The following GNAS-AS1 variants were observed in gnomAD, a reference collection of about 807,000 sequenced individuals.
GNAS-AS1 encodes the protein GNAS antisense RNA 1 (non-protein coding).
chr20:58,839,665 C>T, intron 4 of GNAS-AS1: 1 of 429,958 alleles, frequency 2.3e-6, no homozygotes. Flanking sequence ...GGGGAGGTGG[C>T]CCCCACCTCC....
chr20:58,818,958 A>T (rs2085466935), exon 5 of GNAS-AS1: 1 of 398,332 alleles, frequency 2.5e-6, no homozygotes, highest in South Asian at 1.3e-4. Flanking sequence ...GCCTTTATTC[A>T]ACACTAGATA....
At chr20:58,835,744 G>A (rs756895554) in intron 4 of GNAS-AS1, among the ~76,000 whole-genome samples, 3 of 152,202 alleles carry the variant, frequency 2.0e-5, no homozygotes, top group Admixed American at 6.5e-5. Flanking sequence ...CACAGTGCCC[G>A]GAATAGTGTC....
At chr20:58,836,609 C>T (rs979273176) in intron 4 of GNAS-AS1, 4 of 152,164 alleles carry the variant, frequency 2.6e-5, no homozygotes, top group East Asian at 1.9e-4. Context: ...TTCCTCAGCC[C>T]GGTAACAACA....
In GNAS-AS1 at chr20:58,840,706, TC is replaced by T. The variant is rs949531043; in HGVS notation, n.819+1230del. The T allele has an allele frequency of 8.7e-6, 14 of 1,603,360 alleles. No individual in the cohort carries two copies. In the African/African-American group the frequency reaches 1.9e-4, roughly 21 times the overall value. On this transcript the variant is annotated intron_variant and non_coding_transcript_variant, in intron 4 of 4. Coordinates refer to ENST00000424094, the Ensembl canonical transcript of GNAS-AS1. The surrounding 1 kb of genome is among the most constrained non-coding windows in gnomAD (Gnocchi z 6.0). ...AGGAGCTCAAGCCCGAGGACAAAGA[TC>T]CAAGGGACCCCGAAGAGTCGAAGGA... is the stretch of plus-strand genomic sequence containing the variant.
At chr20:58,824,119 C>T (rs2085504613) in intron 4 of GNAS-AS1, 1 of 398,524 alleles carries the variant, frequency 2.5e-6, no homozygotes, top group Non-Finnish European at 4.4e-6. Context: ...ATCAGAGCCA[C>T]AAATCCAGAA....
chr20:58,847,472 A>C (rs2085982239), intron 2 of GNAS-AS1, among the ~76,000 whole-genome samples: 1 of 152,232 alleles, frequency 6.6e-6, no homozygotes, highest in Non-Finnish European at 1.5e-5. Flanking sequence ...GTACAGCTTC[A>C]AAGTCTATTA....
chr20:58,839,233 A>G (rs1044314115), intron 4 of GNAS-AS1: 23 of 398,412 alleles, frequency 5.8e-5, no homozygotes, highest in Non-Finnish European at 8.8e-5. Context: ...TTGTTTGGAA[A>G]CTTTTCTAAT....
At chr20:58,847,644 C>A (rs1399018272) in intron 2 of GNAS-AS1, among the ~76,000 whole-genome samples, 2 of 152,224 alleles carry the variant, frequency 1.3e-5, no homozygotes, top group African/African-American at 2.4e-5. Flanking sequence ...GAAGGCACTT[C>A]TGCAAACTTC....
chr20:58,824,746 C>T (rs760395981), intron 4 of GNAS-AS1, among the ~76,000 whole-genome samples: 2 of 152,182 alleles, frequency 1.3e-5, no homozygotes, highest in South Asian at 2.1e-4. Context: ...ATCATATGCT[C>T]GCTGTAAACA....
rs112577727 is a variant in GNAS-AS1, at chr20:58,846,902, AC to A, written n.413+1976del. On this transcript the variant is annotated intron_variant and non_coding_transcript_variant, in intron 2 of 4. Coordinates refer to ENST00000424094, the Ensembl canonical transcript of GNAS-AS1. ...CAGAGCTTCCACTAAAGCCAAATTTACCTTCCGAGATTCCCTCTTTCCCCTC... is the reference window on the plus strand; with the variant it reads ...CAGAGCTTCCACTAAAGCCAAATTTACTTCCGAGATTCCCTCTTTCCCCTC... 2.7e-3 allele frequency among the ~76,000 whole-genome samples: 416 copies of A among 152,270 alleles called. 4 individuals carry two copies. The highest frequency in any genetic ancestry group is 9.6e-3 in the African/African-American group (398 of 41,546).
chr20:58,839,465 A>G (rs1262792838), intron 4 of GNAS-AS1: 3 of 400,454 alleles, frequency 7.5e-6, no homozygotes, highest in Non-Finnish European at 1.3e-5. Context: ...GGGGAGGGGC[A>G]CGACCCCACG....
At chr20:58,830,452 CCA>C (rs2085554345) in intron 4 of GNAS-AS1, among the ~76,000 whole-genome samples, 2 of 134,696 alleles carry the variant, frequency 1.5e-5, no homozygotes, top group South Asian at 2.5e-4. Context: ...ACCACCACCA[CCA>C]TCACCACCAC....
At chr20:58,825,841 G>A (rs1159777710) in intron 4 of GNAS-AS1, among the ~76,000 whole-genome samples, 6 of 152,170 alleles carry the variant, frequency 3.9e-5, no homozygotes, top group African/African-American at 1.2e-4. Context: ...TGCTAGGAGA[G>A]GCTGCAATGC....
At chr20:58,839,763 C>CT in intron 4 of GNAS-AS1, 1 of 568,908 alleles carries the variant, frequency 1.8e-6, no homozygotes, top group Non-Finnish European at 3.1e-6. Flanking sequence ...CCTCTGTCCT[C>CT]TCCCAGGCAA....
intron 1 of GNAS-AS1, among the ~76,000 whole-genome samples, chr20:58,849,811 G>A (rs2145530005): frequency 6.6e-6 from 1 of 152,248 alleles, no homozygotes; most frequent in East Asian, 1.9e-4. Context: ...CATCTCCTTT[G>A]TGCATAACCC....
At chr20:58,842,117 C>A in exon 4 of GNAS-AS1, 1 of 399,760 alleles carries the variant, frequency 2.5e-6, no homozygotes, top group Non-Finnish European at 4.4e-6. Flanking sequence ...TAAGTTTAAT[C>A]TGTAACCTGG....
chr20:58,833,002 G>A (rs2085577409), intron 4 of GNAS-AS1, among the ~76,000 whole-genome samples: 1 of 152,232 alleles, frequency 6.6e-6, no homozygotes, highest in African/African-American at 2.4e-5. Flanking sequence ...CTGTCCCAGA[G>A]GCTCTTTTGC....
In GNAS-AS1 at chr20:58,840,896, C is replaced by G. The variant is rs1409750080; in HGVS notation, n.819+1041G>C. On this transcript the variant is annotated intron_variant and non_coding_transcript_variant, in intron 4 of 4. Transcript: ENST00000424094. The surrounding 1 kb of genome is among the most constrained non-coding windows in gnomAD (Gnocchi z 6.0). Reference sequence around the variant, plus strand: ...GTTTTCATGGATTCAGGTTAGTTGCCCACCGCTAAACTGGGGAGCCTGAGG... The same window carrying G: ...GTTTTCATGGATTCAGGTTAGTTGCGCACCGCTAAACTGGGGAGCCTGAGG... 1 of 1,612,176 alleles carries G rather than the reference C, an allele frequency of 6.2e-7. No homozygotes were observed. Among genetic ancestry groups the G allele is most frequent in the Non-Finnish European group, 8.5e-7 (1 of 1,179,690 alleles).
At chr20:58,829,664 G>A (rs758479989) in intron 4 of GNAS-AS1, among the ~76,000 whole-genome samples, 7 of 152,160 alleles carry the variant, frequency 4.6e-5, no homozygotes, top group Non-Finnish European at 8.8e-5. Flanking sequence ...CCAACCCCCT[G>A]CTGCCACATG....
Sources: allele counts gnomAD v4.1 joint callset (sites outside exome capture counted in the v4.1 genomes callset), GRCh38; gene constraint gnomAD v4.1.1; non-coding constraint Gnocchi (gnomAD v3.1); transcripts MANE v1.5; gene names NCBI Gene and HGNC (gene_info 2026-07-23, HGNC 2026-07-21).